The following GNA12 variants were observed in gnomAD, a reference collection of about 807,000 sequenced individuals.
The protein encoded by GNA12 is guanine nucleotide-binding protein subunit alpha-12.
Under a neutral mutation model 26.0 loss-of-function variants are expected in GNA12, and 9 were observed. The ratio of observed to expected loss-of-function variants is 0.35; its 90% CI spans 0.21 to 0.60. GNA12 has a LOEUF of 0.60. GNA12 is among the 20% of genes least tolerant of loss of function. GNA12 has a pLI of 0.78. For synonymous variants in GNA12, 264 were observed against 219.6 expected (o/e 1.20, Z -1.79); for missense variants, 405 against 525.8 (o/e 0.77, Z 2.25).
At chr7:2,757,655 C>G (rs960964146) in intron 2 of GNA12, among the ~76,000 whole-genome samples, 4 of 152,172 alleles carry the variant, frequency 2.6e-5, no homozygotes, top group African/African-American at 9.7e-5. Flanking sequence ...TACATCTGTG[C>G]CGTTTTAAGT....
At chr7:2,798,609 C>T (rs1249676438) in intron 1 of GNA12, among the ~76,000 whole-genome samples, 2 of 152,160 alleles carry the variant, frequency 1.3e-5, no homozygotes, top group Non-Finnish European at 2.9e-5. Flanking sequence ...AGGTTTAGCA[C>T]AATTTCCATA....
In GNA12 at chr7:2,731,112, A is replaced by T; in HGVS notation, c.*69T>A. ...CCCACTCAAGGACCACACAGACAACACACACCCAAGAGTCTGACCGACAGC... is the reference window on the plus strand; with the variant it reads ...CCCACTCAAGGACCACACAGACAACTCACACCCAAGAGTCTGACCGACAGC... On this transcript the variant is annotated 3_prime_UTR_variant, in exon 4 of 4. Coordinates refer to ENST00000275364, the MANE Select transcript of GNA12 (RefSeq NM_007353.3). This position sits in a 1 kb window ranked among gnomAD's most constrained non-coding sequence, Gnocchi z 6.0. 1 of 1,053,370 alleles carries T rather than the reference A, an allele frequency of 9.5e-7. No individual in the cohort carries two copies. Among genetic ancestry groups the T allele is most frequent in the Non-Finnish European group, 1.4e-6 (1 of 704,896 alleles). The allele number at this position is 1,053,370 out of a possible 1,614,324, so 65.3% of individuals were successfully genotyped here. A position where few individuals can be genotyped will look rare whatever the true frequency, so the allele number is the denominator to read the frequency against.
At chr7:2,753,389 C>T (rs889672457) in intron 2 of GNA12, among the ~76,000 whole-genome samples, 2 of 69,146 alleles carry the variant, frequency 2.9e-5, no homozygotes, top group Admixed American at 3.3e-4. Flanking sequence ...GGGCTCAAGC[C>T]ATCCTCCCAA....
At chr7:2,829,727 T>C (rs930290423) in intron 1 of GNA12, among the ~76,000 whole-genome samples, 2 of 152,230 alleles carry the variant, frequency 1.3e-5, no homozygotes, top group Admixed American at 6.5e-5. Flanking sequence ...CCCTCTTTTC[T>C]TTAGGGACGG....
chr7:2,783,479 T>C (rs1249555977), intron 2 of GNA12, among the ~76,000 whole-genome samples: 1 of 151,912 alleles, frequency 6.6e-6, no homozygotes, highest in Non-Finnish European at 1.5e-5. Flanking sequence ...TCCCCATTCA[T>C]TACACGGCAG....
intron 2 of GNA12, among the ~76,000 whole-genome samples, chr7:2,779,423 T>C (rs1329015592): frequency 1.3e-5 from 2 of 151,848 alleles, no homozygotes; most frequent in Non-Finnish European, 2.9e-5. Context: ...AGTGGGAGAA[T>C]TGCTTGAACC....
At chr7:2,813,394 A>G (rs1405363504) in intron 1 of GNA12, among the ~76,000 whole-genome samples, 1 of 152,244 alleles carries the variant, frequency 6.6e-6, no homozygotes, top group African/African-American at 2.4e-5. Context: ...AGGGGCATCC[A>G]GGGGAGAGTC....
chr7:2,738,420 G>A (rs532707736), intron 2 of GNA12, among the ~76,000 whole-genome samples: 146 of 152,310 alleles, frequency 9.6e-4, no homozygotes, highest in African/African-American at 3.2e-3. Flanking sequence ...CAGGGGCTAC[G>A]CACCGGCGAA....
chr7:2,843,577 G>A (rs1038283473), intron 1 of GNA12, among the ~76,000 whole-genome samples: 5 of 151,986 alleles, frequency 3.3e-5, no homozygotes, highest in African/African-American at 9.7e-5. Flanking sequence ...AGCCTGGGAG[G>A]TCGAGGCTGC....
intron 1 of GNA12, among the ~76,000 whole-genome samples, chr7:2,833,766 G>A (rs1355906836): frequency 6.6e-6 from 1 of 152,082 alleles, no homozygotes; most frequent in East Asian, 1.9e-4. Context: ...AGAAGCAGAT[G>A]TATGCTTCTG....
At chr7:2,786,295 T>A (rs1247952407) in intron 2 of GNA12, among the ~76,000 whole-genome samples, 3 of 152,028 alleles carry the variant, frequency 2.0e-5, no homozygotes, top group Non-Finnish European at 4.4e-5. Flanking sequence ...TTCCTGTGAA[T>A]CTGTAATTAG....
At chr7:2,735,347 A>G (rs554935590) in intron 2 of GNA12, among the ~76,000 whole-genome samples, 5 of 152,202 alleles carry the variant, frequency 3.3e-5, no homozygotes, top group Admixed American at 2.0e-4. Context: ...GCACGAAGGA[A>G]GCAGAGGCAG....
rs117400500 is a variant in GNA12, at chr7:2,785,089, A to G, written c.525+9839T>C. Among the ~76,000 whole-genome samples, 785 of 152,326 alleles carry G rather than the reference A, an allele frequency of 5.2e-3. 1 individual carries two copies. The highest frequency in any genetic ancestry group is 0.01 in the Middle Eastern group (3 of 294). The stretch of plus-strand genomic sequence containing the variant: ...ATACTCTTCGTGATTAATGAAATGA[A>G]GGGGAAAGGCCAACATCACAGGCAG... On this transcript the variant is annotated intron_variant, in intron 2 of 3. Transcript: ENST00000275364.
intron 1 of GNA12, among the ~76,000 whole-genome samples, chr7:2,815,720 C>T (rs75897336): frequency 0.01 from 1,526 of 152,306 alleles, 12 homozygotes; most frequent in Middle Eastern, 0.071. Context: ...TGGTGCTCCC[C>T]GTGTGGCCCC....
At chr7:2,798,737 G>C (rs1281591855) in intron 1 of GNA12, among the ~76,000 whole-genome samples, 1 of 152,152 alleles carries the variant, frequency 6.6e-6, no homozygotes, top group Non-Finnish European at 1.5e-5. Context: ...CAGTCTATCT[G>C]ATTTTAAGAC....
intron 2 of GNA12, among the ~76,000 whole-genome samples, chr7:2,769,085 G>A (rs1208154071): frequency 2.6e-5 from 4 of 152,022 alleles, no homozygotes; most frequent in African/African-American, 9.7e-5. Context: ...TGTATTTTTA[G>A]TAGAGACAAG....
At chr7:2,740,326 A>G (rs977492044) in intron 2 of GNA12, among the ~76,000 whole-genome samples, 5 of 152,128 alleles carry the variant, frequency 3.3e-5, no homozygotes, top group African/African-American at 1.2e-4. Flanking sequence ...AGGTGACTGA[A>G]GGTAGGGACC....
In GNA12 at chr7:2,728,430, T is replaced by C. The variant is rs1789720073; in HGVS notation, c.*2751A>G. On this transcript the variant is annotated 3_prime_UTR_variant, in exon 4 of 4. Coordinates refer to ENST00000275364, the MANE Select transcript of GNA12 (RefSeq NM_007353.3). ...TTACAATAAGAATTCTAGAGATCTC[T>C]ATAAATTACAGACCTATGACTCAAA... 1 of 152,314 alleles carries C rather than the reference T, an allele frequency of 6.6e-6. No individual in the cohort carries two copies. The highest frequency in any genetic ancestry group is 1.5e-5 in the Non-Finnish European group (1 of 68,036). 9.4% of individuals were successfully genotyped at this position (152,314 alleles called of 1,614,324 possible). A position where few individuals can be genotyped will look rare whatever the true frequency, so the allele number is the denominator to read the frequency against.
chr7:2,737,289 G>GT (rs11389467), intron 2 of GNA12, among the ~76,000 whole-genome samples: 13,040 of 62,348 alleles, frequency 0.21, 1,344 homozygotes, highest in Middle Eastern at 0.29. Flanking sequence ...TTTTTTTTTT[G>GT]TTTTTTTTTT....
Sources: gnomAD v4.1 joint callset for allele counts (sites outside exome capture counted in the v4.1 genomes callset) on GRCh38, gnomAD v4.1.1 for gene constraint, Gnocchi (gnomAD v3.1) non-coding constraint, MANE v1.5 for transcripts, NCBI Gene and HGNC (gene_info 2026-07-23, HGNC 2026-07-21) for gene names.